Variants in GLI3 observed in about 807,000 individuals in gnomAD.
The protein encoded by GLI3 is transcription activator GLI3.
Under a neutral mutation model 100.8 loss-of-function variants are expected in GLI3, and 20 were observed. The ratio of observed to expected loss-of-function variants is 0.20; its 90% CI spans 0.14 to 0.29. The LOEUF (loss-of-function observed/expected upper bound fraction) is 0.29. Among genes scored for constraint, GLI3 ranks in the 10% least tolerant of loss-of-function variants. The pLI, the probability that GLI3 is intolerant of heterozygous loss-of-function variation, is 1.00. For synonymous variants in GLI3, 938 were observed against 860.5 expected, an observed-to-expected ratio of 1.09 and a Z score of -1.58; for missense variants, 2,040 against 2,128.5, an observed-to-expected ratio of 0.96 and a Z score of 0.82.
intron 2 of GLI3, among the ~76,000 whole-genome samples, chr7:42,163,933 A>G (rs1251778873): frequency 6.6e-6 from 1 of 152,204 alleles, no homozygotes; most frequent in African/African-American, 2.4e-5. Flanking sequence ...TGTTCAAGTA[A>G]TAATCTTTTG....
intron 3 of GLI3, among the ~76,000 whole-genome samples, chr7:42,093,058 C>A (rs1184458273): frequency 6.6e-6 from 1 of 152,040 alleles, no homozygotes; most frequent in African/African-American, 2.4e-5. Context: ...AGGTGATCCA[C>A]CTGCCTCGGC....
At position 41,965,893 on chromosome 7, in the gene GLI3, G is replaced by C. The variant is rs1445787206; in HGVS notation, c.3180C>G (p.Phe1060Leu). ...TGCTGGGAGGACAGGGGGACGAGTG[G>C]AAGTTTCGGGACTGGCCGCCCTCGG... The part of the protein sequence containing the change: ...TRPEGGQSRN[F>L]HSSPCPPSIT... Residue 1060 changes from phenylalanine (F) to leucine (L), a missense_variant, in exon 15 of 15, where the codon TTC becomes TTG. Phe to Leu is a conservative substitution (Grantham distance 22). Transcript: ENST00000395925. 6.2e-7 allele frequency: 1 copy of C among 1,613,680 alleles called. No homozygotes were observed. The highest frequency in any genetic ancestry group is 8.5e-7 in the Non-Finnish European group (1 of 1,179,986).
Position 41,972,203 on chromosome 7 carries a change from A to C in GLI3, c.2103+134T>G. 2.4e-6 allele frequency: 2 copies of C among 848,736 alleles called. No homozygotes were observed. The highest frequency in any genetic ancestry group is 4.1e-6 in the Non-Finnish European group (2 of 490,824). 52.6% of individuals were successfully genotyped at this position (848,736 alleles called of 1,614,324 possible). ...CGACTTCACGTAAGCAATACGGGTC[A>C]CTGCCCTCATCGCCTCCTCAGATCA... On this transcript the variant is annotated intron_variant, in intron 13 of 14. Transcript: ENST00000395925. The surrounding 1 kb of genome is among the most constrained non-coding windows in gnomAD (Gnocchi z 4.4).
At chr7:42,257,965 A>G (rs1789102232) in intron 1 of GLI3, among the ~76,000 whole-genome samples, 1 of 152,176 alleles carries the variant, frequency 6.6e-6, no homozygotes, top group African/African-American at 2.4e-5. Context: ...ACTTTGTTAA[A>G]GAGTTTTCTA....
chr7:42,262,121 A>C (rs1384256951), intron 1 of GLI3, among the ~76,000 whole-genome samples: 1 of 149,812 alleles, frequency 6.7e-6, no homozygotes. Flanking sequence ...GCAGAGGTGC[A>C]AACACGGTTC....
At chr7:42,005,458 T>TCCACAC (rs34481122) in intron 10 of GLI3, among the ~76,000 whole-genome samples, 1 of 143,518 alleles carries the variant, frequency 7.0e-6, no homozygotes, top group African/African-American at 2.6e-5. Context: ...TGAATTCACA[T>TCCACAC]ACACACACAC....
intron 4 of GLI3, among the ~76,000 whole-genome samples, chr7:42,059,506 T>C (rs1471614273): frequency 3.3e-5 from 5 of 150,724 alleles, no homozygotes; most frequent in South Asian, 2.1e-4. Context: ...TTAATTAATA[T>C]AATAAAAATA....
chr7:42,048,112 T>C (rs772801040), intron 5 of GLI3, among the ~76,000 whole-genome samples: 1 of 152,172 alleles, frequency 6.6e-6, no homozygotes, highest in Non-Finnish European at 1.5e-5. Context: ...ATGTTACACA[T>C]GCACGTGTGT....
chr7:42,195,509 A>G (rs1433969027), intron 2 of GLI3, among the ~76,000 whole-genome samples: 1 of 151,984 alleles, frequency 6.6e-6, no homozygotes, highest in African/African-American at 2.4e-5. Flanking sequence ...GCTTTTTCTG[A>G]TTCTTTCATA....
intron 1 of GLI3, among the ~76,000 whole-genome samples, chr7:42,224,622 A>C (rs1367564324): frequency 6.6e-6 from 1 of 152,268 alleles, no homozygotes; most frequent in Non-Finnish European, 1.5e-5. Flanking sequence ...AAGAAAAAAG[A>C]AGCACTAAGT....
At chr7:42,080,272 T>C (rs1784970708) in intron 3 of GLI3, among the ~76,000 whole-genome samples, 1 of 152,232 alleles carries the variant, frequency 6.6e-6, no homozygotes, top group Admixed American at 6.5e-5. Flanking sequence ...CAGTATTCTA[T>C]GAATTTAAAA....
At chr7:42,010,773 G>T (rs1788590111) in intron 10 of GLI3, among the ~76,000 whole-genome samples, 4 of 152,182 alleles carry the variant, frequency 2.6e-5, no homozygotes, top group Admixed American at 2.6e-4. Context: ...AATATGATTT[G>T]TGTATGAGGA....
In GLI3 at chr7:42,131,790, T is replaced by G. The variant is rs530169058; in HGVS notation, c.367+16436A>C. Among the ~76,000 whole-genome samples the G allele has an allele frequency of 1.7e-4, 26 of 152,264 alleles. No individual in the cohort carries two copies. In the South Asian group the frequency reaches 5.2e-3, roughly 30 times the overall value. On this transcript the variant is annotated intron_variant, in intron 3 of 14. Transcript: ENST00000395925. ...AAGCTTACAACACTCTTTAAAGTTA[T>G]AAAAGCACCCAATATACAAGTAATA...
intron 2 of GLI3, among the ~76,000 whole-genome samples, chr7:42,202,841 C>G (rs1448380745): frequency 6.6e-6 from 1 of 152,184 alleles, no homozygotes; most frequent in Non-Finnish European, 1.5e-5. Flanking sequence ...CAGGGGGCCC[C>G]CAACATGACT....
At chr7:42,042,013 CTTTT>C (rs11324186) in intron 6 of GLI3, among the ~76,000 whole-genome samples, 1 of 116,320 alleles carries the variant, frequency 8.6e-6, no homozygotes, top group Non-Finnish European at 1.7e-5. Context: ...CAACGATTTC[CTTTT>C]TTTTTTTTTT....
chr7:42,158,608 A>G (rs144593193), intron 2 of GLI3, among the ~76,000 whole-genome samples: 34 of 151,514 alleles, frequency 2.2e-4, no homozygotes, highest in Non-Finnish European at 3.4e-4. Context: ...TCCTGCCTCA[A>G]CCTCCTGAGT....
At position 42,148,270 on chromosome 7, in the gene GLI3, A is replaced by G; in HGVS notation, c.323T>C (p.Val108Ala). Residue 108 changes from valine to alanine, a missense_variant, in exon 3 of 15, where the codon GTG becomes GCG. This residue lies in a region of GLI3 where 603 missense variants were observed against 690.9 expected (regional missense o/e 0.87). Coordinates refer to ENST00000395925, the MANE Select transcript of GLI3 (RefSeq NM_000168.6). ...ACCATTCCTGGGGTCCATGGCAAAC[A>G]CCGTCCCGCGGTACGGCACAGAGGG... The part of the protein sequence containing the change: ...AEPSVPYRGT[V>A]FAMDPRNGYM... The G allele has an allele frequency of 6.2e-7, 1 of 1,612,436 alleles. No homozygotes were observed. Among genetic ancestry groups the G allele is most frequent in the Non-Finnish European group, 8.5e-7 (1 of 1,179,268 alleles).
intron 1 of GLI3, among the ~76,000 whole-genome samples, chr7:42,257,967 A>G (rs565829802): frequency 9.2e-5 from 14 of 152,228 alleles, no homozygotes; most frequent in African/African-American, 3.4e-4. Flanking sequence ...TTTGTTAAAG[A>G]GTTTTCTATG....
intron 1 of GLI3, among the ~76,000 whole-genome samples, chr7:42,255,918 A>G (rs1227604075): frequency 6.6e-6 from 1 of 152,212 alleles, no homozygotes; most frequent in Non-Finnish European, 1.5e-5. Flanking sequence ...ACCATTCTGC[A>G]TTATGACTGG....
Sources: allele counts gnomAD v4.1 joint callset (sites outside exome capture counted in the v4.1 genomes callset), GRCh38; gene constraint gnomAD v4.1.1; regional missense constraint gnomAD v4.1.1; non-coding constraint Gnocchi (gnomAD v3.1); transcripts MANE v1.5; gene names NCBI Gene and HGNC (gene_info 2026-07-23, HGNC 2026-07-21).